CFAP97: variants seen among roughly 807,000 people sequenced by gnomAD.
CFAP97 encodes the protein cilia and flagella associated protein 97.
CFAP97 carries 36 observed loss-of-function variants against 43.1 expected under a neutral mutation model. The ratio of observed to expected loss-of-function variants is 0.84; its 90% CI spans 0.64 to 1.10. The LOEUF (loss-of-function observed/expected upper bound fraction) is 1.10, where lower values mean the gene tolerates loss of function less well. Ranked by LOEUF, CFAP97 falls within the 50% of genes least tolerant of loss-of-function variation. CFAP97 has a pLI of 0.00. For missense variants in CFAP97, 657 were observed against 620.3 expected (o/e 1.06, Z -0.63); for synonymous variants, 228 against 225.7 (o/e 1.01, Z -0.09).
At chr4:185,206,537 T>C (rs1204407643), upstream of CFAP97, among the ~76,000 whole-genome samples, 2 of 151,446 alleles carry the variant, frequency 1.3e-5, no homozygotes, top group African/African-American at 4.9e-5. Context: ...TGCATGCCTG[T>C]AATCCCAGCT....
intron 3 of CFAP97, among the ~76,000 whole-genome samples, chr4:185,167,299 T>C (rs1205767876): frequency 1.3e-5 from 2 of 151,980 alleles, no homozygotes; most frequent in Non-Finnish European, 2.9e-5. Flanking sequence ...AGACCCCGTC[T>C]CTTACAAAAA....
intron 3 of CFAP97, among the ~76,000 whole-genome samples, chr4:185,174,651 C>A (rs1462103485): frequency 6.6e-6 from 1 of 152,120 alleles, no homozygotes. Context: ...GGGTCTAATT[C>A]TAGTTTAAGA....
chr4:185,200,556 C>T (rs1371252254), intron 1 of CFAP97, among the ~76,000 whole-genome samples: 1 of 152,012 alleles, frequency 6.6e-6, no homozygotes, highest in African/African-American at 2.4e-5. Context: ...ATGGGAATCA[C>T]TTGAACCTGG....
At chr4:185,168,832 C>A (rs971270300) in intron 3 of CFAP97, among the ~76,000 whole-genome samples, 1 of 151,932 alleles carries the variant, frequency 6.6e-6, no homozygotes, top group Non-Finnish European at 1.5e-5. Flanking sequence ...GTTGCTTGAA[C>A]CCAGGAGCTG....
intron 1 of CFAP97, among the ~76,000 whole-genome samples, chr4:185,192,879 T>C (rs1327896721): frequency 6.6e-6 from 1 of 151,928 alleles, no homozygotes; most frequent in African/African-American, 2.4e-5. Context: ...TAGCTGGGAC[T>C]ACAGGCGCCC....
At position 185,190,584 on chromosome 4, in the gene CFAP97, T is replaced by C. The variant is rs1736196966; in HGVS notation, c.613A>G (p.Lys205Glu). ...CCAGATACATGTTTCTTAGATGACT[T>C]AGATGACGGAGACGAATCAGATAGA... ...SHLSDSSPSS[K>E]SSKKHVSGIT... The change falls in exon 2 of 5, where the codon AAG becomes GAG. Residue 205 changes from lysine to glutamate, a missense_variant. Transcript: ENST00000458385. The C allele has an allele frequency of 1.2e-6, 2 of 1,613,398 alleles. No homozygotes were observed. Among genetic ancestry groups the C allele is most frequent in the Non-Finnish European group, 1.7e-6 (2 of 1,179,656 alleles).
Position 185,191,215 on chromosome 4 carries a change from G to GGA in CFAP97, c.-16-4_-16-3insTC, listed in dbSNP as rs545894043. ...GATCCATGATGGCAAAAATATATCTGAAAAAAAAATGTAAACATCAGACTA... is the reference window on the plus strand; with the variant it reads ...GATCCATGATGGCAAAAATATATCTGGAAAAAAAAAATGTAAACATCAGACTA... On this transcript the variant is annotated splice_region_variant and splice_polypyrimidine_tract_variant and intron_variant, in intron 1 of 4. Transcript: ENST00000458385. 23 of 1,375,384 alleles carry GGA rather than the reference G, an allele frequency of 1.7e-5. No homozygotes were observed. The highest frequency in any genetic ancestry group is 1.9e-4 in the Middle Eastern group (1 of 5,320). The allele number at this position is 1,375,384 out of a possible 1,614,324, so 85.2% of individuals were successfully genotyped here. A position where few individuals can be genotyped will look rare whatever the true frequency, so the allele number is the denominator to read the frequency against.
chr4:185,191,299 T>C (rs926680209), intron 1 of CFAP97, 87 bp from the exon 2 acceptor site: 1 of 946,426 alleles, frequency 1.1e-6, no homozygotes. Context: ...TTTCCCAAAC[T>C]GACAAGTGTG....
intron 2 of CFAP97, among the ~76,000 whole-genome samples, chr4:185,186,424 C>T (rs553773390): frequency 6.6e-6 from 1 of 152,236 alleles, no homozygotes; most frequent in African/African-American, 2.4e-5. Flanking sequence ...CAGAGTGAGA[C>T]TCTGTCTCAA....
At chr4:185,203,233 G>GT (rs1440408909) in intron 1 of CFAP97, among the ~76,000 whole-genome samples, 1 of 152,172 alleles carries the variant, frequency 6.6e-6, no homozygotes, top group African/African-American at 2.4e-5. Flanking sequence ...AGACAGGTAA[G>GT]TTTTTATCAA....
At chr4:185,209,825 G>A, upstream of CFAP97, 14 of 983,782 alleles carry the variant, frequency 1.4e-5, no homozygotes, top group Non-Finnish European at 1.7e-5. This position sits in a 1 kb window ranked among gnomAD's most constrained non-coding sequence, Gnocchi z 5.2. Context: ...CCAGGAAGCA[G>A]CATGCACCCC....
At chr4:185,196,970 G>T (rs1736576095) in intron 1 of CFAP97, among the ~76,000 whole-genome samples, 1 of 151,832 alleles carries the variant, frequency 6.6e-6, no homozygotes, top group South Asian at 2.1e-4. Context: ...GTGGTGGCAG[G>T]CGCCTGTAAT....
At position 185,164,084 on chromosome 4, in the gene CFAP97, G is replaced by A. The variant is rs1734975653; in HGVS notation, c.1416C>T (p.Asn472=). 1 of 1,613,858 alleles carries A rather than the reference G, an allele frequency of 6.2e-7. No homozygotes were observed. Among genetic ancestry groups the A allele is most frequent in the African/African-American group, 1.3e-5 (1 of 74,920 alleles). Residue 472 remains asparagine, a synonymous_variant, in exon 4 of 5, where the codon AAC becomes AAT. Coordinates refer to ENST00000458385, the MANE Select transcript of CFAP97 (RefSeq NM_020827.3). ...TGGCCCGTCTTGACAATGGTGATGA[G>A]TTGAGATAGCCCATATTGCGATGAT... The part of the protein sequence containing the change: ...MDYHRNMGYL[N]SSPLSRRARS...
chr4:185,209,751 T>TC (rs1416244772), upstream of CFAP97: 1 of 983,328 alleles, frequency 1.0e-6, no homozygotes, highest in Non-Finnish European at 1.2e-6. The surrounding 1 kb of genome is among the most constrained non-coding windows in gnomAD (Gnocchi z 5.2). Flanking sequence ...GAGCGCGGGC[T>TC]CCCCCTGCCT....
intron 2 of CFAP97, among the ~76,000 whole-genome samples, chr4:185,189,190 T>C (rs1736127671): frequency 6.6e-6 from 1 of 152,166 alleles, no homozygotes. Flanking sequence ...TGAGCTGTGG[T>C]CACGCCACTT....
Position 185,161,835 on chromosome 4 carries a change from A to G in CFAP97, c.*963T>C, listed in dbSNP as rs1274562818. On this transcript the variant is annotated 3_prime_UTR_variant, in exon 5 of 5. Coordinates refer to ENST00000458385, the MANE Select transcript of CFAP97 (RefSeq NM_020827.3). ...TCAAATTTTAGTTTTTTCAGGCCTTATAAATACTTGCTGGAATTTCTAAAG... is the reference window on the plus strand; with the variant it reads ...TCAAATTTTAGTTTTTTCAGGCCTTGTAAATACTTGCTGGAATTTCTAAAG... 6.6e-6 allele frequency: 1 copy of G among 152,206 alleles called. No homozygotes were observed. The highest frequency in any genetic ancestry group is 2.4e-5 in the African/African-American group (1 of 41,454). The allele number at this position is 152,206 out of a possible 1,614,324, so 9.4% of individuals were successfully genotyped here.
chr4:185,200,207 G>T (rs1252485566), intron 1 of CFAP97, among the ~76,000 whole-genome samples: 1 of 152,202 alleles, frequency 6.6e-6, no homozygotes, highest in African/African-American at 2.4e-5. Context: ...TGCAGCTGTG[G>T]TAGAAATGGC....
At chr4:185,197,767 C>T (rs925451540) in intron 1 of CFAP97, among the ~76,000 whole-genome samples, 1 of 152,154 alleles carries the variant, frequency 6.6e-6, no homozygotes, top group Admixed American at 6.5e-5. Context: ...TATTCCAACT[C>T]CCATCCCTTA....
At chr4:185,192,656 CTG>C (rs1736319595) in intron 1 of CFAP97, among the ~76,000 whole-genome samples, 1 of 150,078 alleles carries the variant, frequency 6.7e-6, no homozygotes, top group Non-Finnish European at 1.5e-5. Flanking sequence ...GTCAAAGCAG[CTG>C]TGTTACATTA....
Sources: gnomAD v4.1 joint callset for allele counts (sites outside exome capture counted in the v4.1 genomes callset) on GRCh38, gnomAD v4.1.1 for gene constraint, Gnocchi (gnomAD v3.1) non-coding constraint, MANE v1.5 for transcripts, NCBI Gene and HGNC (gene_info 2026-07-23, HGNC 2026-07-21) for gene names.